Variants in SLX4IP observed in about 807,000 individuals in gnomAD.
SLX4IP encodes the protein SLX4 interacting protein.
SLX4IP carries 34 observed loss-of-function variants against 32.9 expected under a neutral mutation model. The observed-to-expected ratio is 1.03, with a 90% CI of 0.79 to 1.38. The LOEUF (loss-of-function observed/expected upper bound fraction) is 1.38, where lower values mean the gene tolerates loss of function less well. SLX4IP is among the 40% of genes most tolerant of loss of function. The pLI is 0.00. For synonymous variants in SLX4IP, 172 were observed against 171.7 expected (o/e 1.00, Z -0.01); for missense variants, 444 against 479.0 (o/e 0.93, Z 0.68).
At chr20:10,444,589 G>A (rs1013679413) in intron 1 of SLX4IP, among the ~76,000 whole-genome samples, 4 of 151,980 alleles carry the variant, frequency 2.6e-5, no homozygotes, top group Non-Finnish European at 4.4e-5. Context: ...TGTTGTTCAC[G>A]CTGGTCTCGA....
At chr20:10,500,353 T>C (rs1215118262) in intron 2 of SLX4IP, among the ~76,000 whole-genome samples, 1 of 152,076 alleles carries the variant, frequency 6.6e-6, no homozygotes, top group Non-Finnish European at 1.5e-5. Flanking sequence ...AGTTTTGGAC[T>C]CCTGACCTCA....
chr20:10,590,358 A>T (rs2066693802), intron 4 of SLX4IP, among the ~76,000 whole-genome samples: 3 of 151,560 alleles, frequency 2.0e-5, no homozygotes, highest in Admixed American at 6.6e-5. Flanking sequence ...GTATTTATTT[A>T]TTTTTTTAAT....
intron 3 of SLX4IP, among the ~76,000 whole-genome samples, chr20:10,559,389 A>G (rs183387590): frequency 9.2e-5 from 14 of 152,338 alleles, no homozygotes; most frequent in Admixed American, 3.3e-4. Context: ...ATTGCTCTTT[A>G]GAACAGCTAA....
intron 2 of SLX4IP, among the ~76,000 whole-genome samples, chr20:10,481,943 C>A (rs577278350): frequency 6.6e-6 from 1 of 152,198 alleles, no homozygotes; most frequent in Non-Finnish European, 1.5e-5. Flanking sequence ...TCACAACATG[C>A]GGCTGGCTTT....
intron 2 of SLX4IP, among the ~76,000 whole-genome samples, chr20:10,500,681 G>C (rs746823916): frequency 6.6e-6 from 1 of 152,174 alleles, no homozygotes; most frequent in Non-Finnish European, 1.5e-5. Flanking sequence ...GAGCCCAGGA[G>C]GTCGAGGCTG....
chr20:10,522,268 G>A (rs2065906286), intron 2 of SLX4IP, among the ~76,000 whole-genome samples: 1 of 152,120 alleles, frequency 6.6e-6, no homozygotes, highest in African/African-American at 2.4e-5. Context: ...CCTTTTTTGG[G>A]GGGATCTTAG....
At chr20:10,598,625 AT>A (rs762286994) in intron 4 of SLX4IP, 49 bp from the exon 5 acceptor site, 4 of 1,546,592 alleles carry the variant, frequency 2.6e-6, no homozygotes, top group African/African-American at 2.7e-5. Flanking sequence ...AACTCCAGAG[AT>A]TTAGCGGCAA....
At chr20:10,513,986 A>G (rs1012568414) in intron 2 of SLX4IP, among the ~76,000 whole-genome samples, 2 of 152,194 alleles carry the variant, frequency 1.3e-5, no homozygotes, top group Admixed American at 1.3e-4. Flanking sequence ...AGATAAACCT[A>G]TGCCAAAAGG....
intron 4 of SLX4IP, among the ~76,000 whole-genome samples, chr20:10,564,079 T>A (rs1415739638): frequency 6.6e-6 from 1 of 152,214 alleles, no homozygotes; most frequent in Non-Finnish European, 1.5e-5. Context: ...AGGTTCATTT[T>A]GTTCTAGGCT....
chr20:10,623,687 T>C lies in SLX4IP; in HGVS notation c.*308T>C, dbSNP rs897306427. The C allele has an allele frequency of 1.4e-5, 5 of 362,608 alleles. 1 individual carries two copies. The Admixed American group carries it at 2.2e-4, about 16-fold the overall frequency. 22.5% of individuals were successfully genotyped at this position (362,608 alleles called of 1,614,324 possible). On this transcript the variant is annotated 3_prime_UTR_variant, in exon 8 of 8. Coordinates refer to ENST00000334534, the MANE Select transcript of SLX4IP (RefSeq NM_001009608.3). ...CTGTGCAAGGACTGCATGAAGAAAC[T>C]GATCATGAGCCCCTTCTTGGCACAT...
chr20:10,548,354 T>C (rs897001046), intron 2 of SLX4IP, among the ~76,000 whole-genome samples: 6 of 152,154 alleles, frequency 3.9e-5, no homozygotes, highest in Non-Finnish European at 7.4e-5. Context: ...TTCTCCTGCC[T>C]CAGCCTCCCG....
intron 2 of SLX4IP, among the ~76,000 whole-genome samples, chr20:10,468,609 TC>T (rs1238592058): frequency 6.6e-6 from 1 of 152,188 alleles, no homozygotes; most frequent in African/African-American, 2.4e-5. Flanking sequence ...TCTGTGGTTT[TC>T]CCTCTGTTTG....
chr20:10,543,619 G>GCTGTACATTAAAAAACAAAAAACAA (rs2066132766), intron 2 of SLX4IP, among the ~76,000 whole-genome samples: 2 of 152,154 alleles, frequency 1.3e-5, no homozygotes, highest in Admixed American at 1.3e-4. Flanking sequence ...GGAGGAGAAC[G>GCTGTACATTAAAAAACAAAAAACAA]AGCAAAGCTG....
intron 4 of SLX4IP, among the ~76,000 whole-genome samples, chr20:10,564,233 A>G (rs149404605): frequency 0.011 from 1,640 of 152,308 alleles, 31 homozygotes; most frequent in African/African-American, 0.037. Context: ...CTCTCTATAC[A>G]TTTATCTAAC....
intron 2 of SLX4IP, 114 bp downstream of exon 2, chr20:10,458,345 T>A: frequency 9.5e-7 from 1 of 1,051,848 alleles, no homozygotes; most frequent in Non-Finnish European, 1.3e-6. Flanking sequence ...CACTTGGGAC[T>A]CTGCAAAATT....
chr20:10,605,311 A>T (rs1190682509), intron 6 of SLX4IP, among the ~76,000 whole-genome samples: 1 of 152,170 alleles, frequency 6.6e-6, no homozygotes, highest in African/African-American at 2.4e-5. Flanking sequence ...TCCCAGCTCT[A>T]TACTGGGAAC....
At chr20:10,518,541 CCT>C (rs1568720494) in intron 2 of SLX4IP, among the ~76,000 whole-genome samples, 1 of 71,406 alleles carries the variant, frequency 1.4e-5, no homozygotes, top group East Asian at 3.1e-4. Flanking sequence ...TTCCTTCCTT[CCT>C]TCCTTCCTTT....
chr20:10,585,996 C>T (rs1192978887), intron 4 of SLX4IP, among the ~76,000 whole-genome samples: 1 of 152,150 alleles, frequency 6.6e-6, no homozygotes, highest in Non-Finnish European at 1.5e-5. Context: ...CCTACCCTCT[C>T]TATACCTTAG....
chr20:10,494,103 T>C (rs1035771910), intron 2 of SLX4IP, among the ~76,000 whole-genome samples: 2 of 151,652 alleles, frequency 1.3e-5, no homozygotes, highest in Non-Finnish European at 2.9e-5. Flanking sequence ...TGGGATAAAC[T>C]CTGCTTTGCT....
Sources: gnomAD v4.1 joint callset for allele counts (sites outside exome capture counted in the v4.1 genomes callset) on GRCh38, gnomAD v4.1.1 for gene constraint, MANE v1.5 for transcripts, NCBI Gene and HGNC (gene_info 2026-07-23, HGNC 2026-07-21) for gene names.